TBX6: variants seen among roughly 807,000 people sequenced by gnomAD.
TBX6 encodes T-box transcription factor TBX6.
TBX6 carries 29 observed loss-of-function variants against 42.3 expected under a neutral mutation model. The ratio of observed to expected loss-of-function variants is 0.69; its 90% CI spans 0.51 to 0.93. The LOEUF (loss-of-function observed/expected upper bound fraction) is 0.93. Among genes scored for constraint, TBX6 ranks in the 40% least tolerant of loss-of-function variants. The pLI, the probability that TBX6 is intolerant of heterozygous loss-of-function variation, is 0.00. For missense variants in TBX6, 569 were observed against 603.3 expected, an observed-to-expected ratio of 0.94 and a Z score of 0.59; for synonymous variants, 249 against 245.1, an observed-to-expected ratio of 1.02 and a Z score of -0.15.
Position 30,088,269 on chromosome 16 carries a change from T to C in TBX6, c.839+276A>G. ...CTCTTTAGAATGGCTTCCTAACAGA[T>C]GACATTTTATTTATTTCTCTTGTCT... On this transcript the variant is annotated intron_variant, in intron 6 of 8. Transcript: ENST00000395224. The surrounding 1 kb of genome is among the most constrained non-coding windows in gnomAD (Gnocchi z 4.1). 6.2e-6 allele frequency: 3 copies of C among 480,116 alleles called. No individual in the cohort carries two copies. The highest frequency in any genetic ancestry group is 1.1e-5 in the Non-Finnish European group (3 of 262,718). The allele number at this position is 480,116 out of a possible 1,614,324, so 29.7% of individuals were successfully genotyped here.
chr16:30,089,414 C>G lies in TBX6; in HGVS notation c.354-204G>C, dbSNP rs368285714. Among the ~76,000 whole-genome samples, 19 of 152,286 alleles carry G rather than the reference C, an allele frequency of 1.2e-4. 2 individuals are homozygous for G. The highest frequency in any genetic ancestry group is 4.6e-4 in the Admixed American group (7 of 15,288). On this transcript the variant is annotated intron_variant, in intron 3 of 8. Coordinates refer to ENST00000395224, the MANE Select transcript of TBX6 (RefSeq NM_004608.4). The stretch of plus-strand genomic sequence containing the variant: ...CTTTGGGAGGCCAAGGTGGGAGGAT[C>G]TCTTGAGTCAGGAATTCAAGACCAG...
At chr16:30,090,045 C>T (rs571358456) in intron 3 of TBX6, among the ~76,000 whole-genome samples, 3 of 151,862 alleles carry the variant, frequency 2.0e-5, no homozygotes, top group Non-Finnish European at 2.9e-5. Flanking sequence ...AGTGATCTGT[C>T]ACACAGCAGG....
intron 6 of TBX6, among the ~76,000 whole-genome samples, chr16:30,087,077 T>C (rs557203064): frequency 2.0e-5 from 3 of 152,302 alleles, no homozygotes; most frequent in East Asian, 1.9e-4. Flanking sequence ...GCTTTCCTAT[T>C]GTGTTTAGTA....
At position 30,086,765 on chromosome 16, in the gene TBX6, G is replaced by A; in HGVS notation, c.913+13C>T. ...CTCAGGCCTGGCCCCATCGCCATCGGGACTACACTCACCTCCGCTCCCATA... is the reference window on the plus strand; with the variant it reads ...CTCAGGCCTGGCCCCATCGCCATCGAGACTACACTCACCTCCGCTCCCATA... On this transcript the variant is annotated intron_variant, in intron 7 of 8. Transcript: ENST00000395224. The surrounding 1 kb of genome is among the most constrained non-coding windows in gnomAD (Gnocchi z 4.6). 6.2e-7 allele frequency: 1 copy of A among 1,613,928 alleles called. No homozygotes were observed. The highest frequency in any genetic ancestry group is 8.5e-7 in the Non-Finnish European group (1 of 1,179,934).
chr16:30,086,153 G>T lies in TBX6; in HGVS notation c.*72C>A. The T allele has an allele frequency of 6.5e-7, 1 of 1,544,346 alleles. No homozygotes were observed. The highest frequency in any genetic ancestry group is 8.8e-7 in the Non-Finnish European group (1 of 1,135,180). On this transcript the variant is annotated 3_prime_UTR_variant, in exon 9 of 9. Transcript: ENST00000395224. This position sits in a 1 kb window ranked among gnomAD's most constrained non-coding sequence, Gnocchi z 4.6. ...TGGTGTGGGGGATGGGGCCGGTGGA[G>T]GTGAGGGGGCTCCAGGGCTGGGGGA...
chr16:30,091,121 C>T lies in TBX6; in HGVS notation c.73G>A (p.Asp25Asn), dbSNP rs767162422. ...GCTAGGGCGGGTGGGAAGCTGGAGT[C>T]GGCCCCAGGTTGGGCGGGCCCCAGG... ...YRLGPAQPGADSSFPPALAEG... is the reference protein window; with the variant it reads ...YRLGPAQPGANSSFPPALAEG... Residue 25 changes from aspartate to asparagine, a missense_variant, in exon 2 of 9, where the codon GAC becomes AAC. Physicochemically the swap from Asp to Asn is conservative, Grantham distance 23. This residue lies in a region of TBX6 where 134 missense variants were observed against 125.3 expected (regional missense o/e 1.07). Coordinates refer to ENST00000395224, the MANE Select transcript of TBX6 (RefSeq NM_004608.4). The T allele has an allele frequency of 1.4e-5, 23 of 1,589,010 alleles. No homozygotes were observed. The highest frequency in any genetic ancestry group is 7.3e-5 in the Admixed American group (4 of 54,560).
chr16:30,088,510 T>A lies in TBX6; in HGVS notation c.839+35A>T. 1 of 1,613,956 alleles carries A rather than the reference T, an allele frequency of 6.2e-7. No homozygotes were observed. Among genetic ancestry groups the A allele is most frequent in the Non-Finnish European group, 8.5e-7 (1 of 1,179,820 alleles). On this transcript the variant is annotated intron_variant, in intron 6 of 8. Transcript: ENST00000395224. This position sits in a 1 kb window ranked among gnomAD's most constrained non-coding sequence, Gnocchi z 4.1. ...ACAGTGAGTGATTAATAAACATTTG[T>A]TGAATGCATGAACAAATGAATGAAC...
rs2072643767 is a variant in TBX6, at chr16:30,086,906, AAC to A, written c.840-57_840-56del. 1 of 1,578,564 alleles carries A rather than the reference AAC, an allele frequency of 6.3e-7. No individual in the cohort carries two copies. Among genetic ancestry groups the A allele is most frequent in the South Asian group, 1.1e-5 (1 of 87,918 alleles). On this transcript the variant is annotated intron_variant, in intron 6 of 8. Coordinates refer to ENST00000395224, the MANE Select transcript of TBX6 (RefSeq NM_004608.4). This position sits in a 1 kb window ranked among gnomAD's most constrained non-coding sequence, Gnocchi z 4.6. ...TGATGGTGATGGCCATGGTGATGGT[AAC>A]AGTACTTACCCGGTGCCAGGCATTT... is the stretch of plus-strand genomic sequence containing the variant.
rs1340124712 is a variant in TBX6, at chr16:30,086,663, C to A, written c.946G>T (p.Gly316Cys). ...TPGGPCDSTL[G>C]GDIRESDPEQ... ...GGATCTGATTCACGAATGTCTCCACCCAGGGTGGAGTCGCAGGGACCACCT... is the reference window on the plus strand; with the variant it reads ...GGATCTGATTCACGAATGTCTCCACACAGGGTGGAGTCGCAGGGACCACCT... Residue 316 changes from glycine (G) to cysteine (C), a missense_variant, in exon 8 of 9, where the codon GGT becomes TGT. Coordinates refer to ENST00000395224, the MANE Select transcript of TBX6 (RefSeq NM_004608.4). The surrounding 1 kb of genome is among the most constrained non-coding windows in gnomAD (Gnocchi z 4.6). 1.2e-6 allele frequency: 2 copies of A among 1,610,670 alleles called. No individual in the cohort carries two copies. The highest frequency in any genetic ancestry group is 1.7e-6 in the Non-Finnish European group (2 of 1,178,732).
chr16:30,086,714 G>A lies in TBX6; in HGVS notation c.914-19C>T. On this transcript the variant is annotated intron_variant, in intron 7 of 8. Coordinates refer to ENST00000395224, the MANE Select transcript of TBX6 (RefSeq NM_004608.4). This position sits in a 1 kb window ranked among gnomAD's most constrained non-coding sequence, Gnocchi z 4.6. ...GGTGTGTCTGGGGAGAGGGAAGGGA[G>A]AGGTTGGGCTAGGGAGGATCCCTGT... The A allele has an allele frequency of 6.2e-7, 1 of 1,612,808 alleles. No individual in the cohort carries two copies. Among genetic ancestry groups the A allele is most frequent in the African/African-American group, 1.3e-5 (1 of 74,972 alleles).
chr16:30,091,298 A>T (rs2072720981), intron 1 of TBX6, 57 bp from the exon 2 acceptor site: 7 of 991,384 alleles, frequency 7.1e-6, no homozygotes, highest in Middle Eastern at 3.3e-4. Context: ...CCAGGATCAC[A>T]GCCCCTCCCC....
rs2072670267 is a variant in TBX6 at position 30,088,318 on chromosome 16, A to G, written c.839+227T>C. The G allele has an allele frequency of 1.6e-6, 1 of 607,002 alleles. No individual in the cohort carries two copies. The highest frequency in any genetic ancestry group is 2.9e-6 in the Non-Finnish European group (1 of 342,534). 37.6% of individuals were successfully genotyped at this position (607,002 alleles called of 1,614,324 possible). On this transcript the variant is annotated intron_variant, in intron 6 of 8. Coordinates refer to ENST00000395224, the MANE Select transcript of TBX6 (RefSeq NM_004608.4). This position sits in a 1 kb window ranked among gnomAD's most constrained non-coding sequence, Gnocchi z 4.1. ...CTGCTTGTCTACTCTCCCCACTAGA[A>G]ATCAGCTGCATGAGGGCCGGGGCTT...
rs2072679647 is a variant in TBX6 at position 30,088,879 on chromosome 16, C to G, written c.622-40G>C. On this transcript the variant is annotated intron_variant, in intron 4 of 8. Coordinates refer to ENST00000395224, the MANE Select transcript of TBX6 (RefSeq NM_004608.4). This position sits in a 1 kb window ranked among gnomAD's most constrained non-coding sequence, Gnocchi z 4.1. ...ATGGGAGTGATTCCCTGCCCTGCGC[C>G]TCACCCTTGGCCTCCCTTCCAGCAC... The G allele has an allele frequency of 6.2e-7, 1 of 1,607,602 alleles. No individual in the cohort carries two copies. Among genetic ancestry groups the G allele is most frequent in the Non-Finnish European group, 8.5e-7 (1 of 1,175,038 alleles).
At chr16:30,087,300 A>T (rs530422881) in intron 6 of TBX6, among the ~76,000 whole-genome samples, 1 of 152,220 alleles carries the variant, frequency 6.6e-6, no homozygotes, top group South Asian at 2.1e-4. Context: ...CACAGGTCAC[A>T]GCTCACTGCA....
chr16:30,090,494 C>A (rs1046641236), intron 3 of TBX6, among the ~76,000 whole-genome samples: 3 of 152,134 alleles, frequency 2.0e-5, no homozygotes, highest in Admixed American at 1.3e-4. Flanking sequence ...ACTTCCTGAC[C>A]CTGCCCCAGA....
Position 30,088,409 on chromosome 16 carries a change from T to TA in TBX6, c.839+135dup. 8.3e-7 allele frequency: 1 copy of TA among 1,210,948 alleles called. No homozygotes were observed. Among genetic ancestry groups the TA allele is most frequent in the Non-Finnish European group, 1.2e-6 (1 of 836,336 alleles). 75.0% of individuals were successfully genotyped at this position (1,210,948 alleles called of 1,614,324 possible). On this transcript the variant is annotated intron_variant, in intron 6 of 8. Coordinates refer to ENST00000395224, the MANE Select transcript of TBX6 (RefSeq NM_004608.4). The surrounding 1 kb of genome is among the most constrained non-coding windows in gnomAD (Gnocchi z 4.1). ...TCCCTGGCACATAGCAGGTACTATA[T>TA]AAGTATTTGCTGAGTCAGTGAATGA... is the stretch of plus-strand genomic sequence containing the variant.
rs747391482 is a variant in TBX6 at position 30,086,346 on chromosome 16, C to T, written c.1190G>A (p.Gly397Glu). 1.2e-6 allele frequency: 2 copies of T among 1,601,728 alleles called. No individual in the cohort carries two copies. Among genetic ancestry groups the T allele is most frequent in the Admixed American group, 1.8e-5 (1 of 55,736 alleles). The change falls in exon 9 of 9, where the codon GGG (glycine) becomes GAG (glutamate). Residue 397 changes from glycine (G) to glutamate (E), a missense_variant. Physicochemically the swap from Gly to Glu is moderately conservative, Grantham distance 98 (BLOSUM62 -2). Around this residue, in one of 3 missense-constraint regions of TBX6, gnomAD observed 245 missense variants for 227.4 expected, o/e 1.08. Coordinates refer to ENST00000395224, the MANE Select transcript of TBX6 (RefSeq NM_004608.4). This position sits in a 1 kb window ranked among gnomAD's most constrained non-coding sequence, Gnocchi z 4.6. ...TACCGCCGGTGGAGCCGCTGGGTAC[C>T]CGGAGCCCCCTGACCCGTGCGGCAG... ...LELPHGSGGSGYPAAPPAVPF... is the reference protein window; with the variant it reads ...LELPHGSGGSEYPAAPPAVPF...
chr16:30,090,896 G>A lies in TBX6; in HGVS notation c.215C>T (p.Ala72Val). 6.2e-7 allele frequency: 1 copy of A among 1,611,188 alleles called. No homozygotes were observed. Among genetic ancestry groups the A allele is most frequent in the Non-Finnish European group, 8.5e-7 (1 of 1,178,498 alleles). Residue 72 changes from alanine (A) to valine (V), a missense_variant, in exon 3 of 9, where the codon GCC becomes GTC. Physicochemically the swap from Ala to Val is moderately conservative, Grantham distance 64 (BLOSUM62 0). Transcript: ENST00000395224. ...AHPPLPLLPP[A>V]MGTEPAPSAP... ...TGATGGGGCCGGCTCAGTGCCCATG[G>A]CAGGGGGCAGAAGGGGCAGAGGTGG...
rs376817900 is a variant in TBX6 at position 30,088,761 on chromosome 16, C to T, written c.700G>A (p.Gly234Arg). 4.3e-6 allele frequency: 7 copies of T among 1,613,932 alleles called. No homozygotes were observed. The highest frequency in any genetic ancestry group is 1.1e-5 in the South Asian group (1 of 91,084). Reference sequence around the variant, plus strand: ...GGGAAGCGGAAGGAGGCCATGCCCCCCCAGTGCTGGCTGCAGAGCTGGGCT... The same window carrying T: ...GGGAAGCGGAAGGAGGCCATGCCCCTCCAGTGCTGGCTGCAGAGCTGGGCT... ...RAAQLCSQHW[G>R]GMASFRFPET... The change falls in exon 5 of 9, where the codon GGG becomes AGG. Residue 234 changes from glycine (G) to arginine (R), a missense_variant. Coordinates refer to ENST00000395224, the MANE Select transcript of TBX6 (RefSeq NM_004608.4). The surrounding 1 kb of genome is among the most constrained non-coding windows in gnomAD (Gnocchi z 4.1).
Sources: allele counts gnomAD v4.1 joint callset (sites outside exome capture counted in the v4.1 genomes callset), GRCh38; gene constraint gnomAD v4.1.1; regional missense constraint gnomAD v4.1.1; non-coding constraint Gnocchi (gnomAD v3.1); transcripts MANE v1.5; gene names NCBI Gene and HGNC (gene_info 2026-07-23, HGNC 2026-07-21).